The following CAPZB variants were observed in gnomAD, a reference collection of about 807,000 sequenced individuals.
The protein encoded by CAPZB is capping actin protein of muscle Z-line subunit beta.
CAPZB carries 2 observed loss-of-function variants against 38.1 expected under a neutral mutation model. The observed-to-expected ratio is 0.05, with a 90% CI of 0.02 to 0.17. The LOEUF is 0.17. CAPZB is among the 10% of genes least tolerant of loss of function. CAPZB has a pLI of 1.00. For synonymous variants in CAPZB, 107 were observed against 127.4 expected, an observed-to-expected ratio of 0.84 and a Z score of 1.08; for missense variants, 161 against 334.2, an observed-to-expected ratio of 0.48 and a Z score of 4.04.
In CAPZB at chr1:19,348,770, CG is replaced by C. The variant is rs397972163; in HGVS notation, c.589-3519del. On this transcript the variant is annotated intron_variant, in intron 6 of 8. Coordinates refer to ENST00000264202, the MANE Select transcript of CAPZB (RefSeq NM_004930.5). ...GGTGGCATCTGACAAGGGGGGGGGG[CG>C]GTCTAGGTGAGGGCAACAGTCCAGA... Among the ~76,000 whole-genome samples the C allele has an allele frequency of 3.2e-4, 15 of 46,206 alleles. 1 individual carries two copies. The highest frequency in any genetic ancestry group is 1.4e-3 in the East Asian group (4 of 2,860). 30.3% of individuals were successfully genotyped at this position (46,206 alleles called of 152,430 possible). A position where few individuals can be genotyped will look rare whatever the true frequency, so the allele number is the denominator to read the frequency against.
At chr1:19,484,708 T>G (rs955951474) in intron 1 of CAPZB, 10 of 1,085,360 alleles carry the variant, frequency 9.2e-6, no homozygotes, top group Non-Finnish European at 1.1e-5. Context: ...AGGACCCTGA[T>G]GAGAGGCTCA....
At chr1:19,397,061 T>C (rs1023985152) in intron 2 of CAPZB, among the ~76,000 whole-genome samples, 14 of 148,390 alleles carry the variant, frequency 9.4e-5, no homozygotes, top group Non-Finnish European at 1.8e-4. Flanking sequence ...CATATATAAG[T>C]TGATTTTTCT....
chr1:19,454,357 C>T (rs2094526409), intron 1 of CAPZB, among the ~76,000 whole-genome samples: 1 of 152,166 alleles, frequency 6.6e-6, no homozygotes, highest in African/African-American at 2.4e-5. Flanking sequence ...CATCAGGTCC[C>T]CTATGTTACC....
At chr1:19,378,689 C>T (rs1353022376) in intron 3 of CAPZB, 36 bp from the exon 4 acceptor site, 14 of 1,181,620 alleles carry the variant, frequency 1.2e-5, no homozygotes, top group Admixed American at 1.7e-5. Context: ...TACCATGAAT[C>T]GTTCCATGAA....
At position 19,431,515 on chromosome 1, in the gene CAPZB, ATCAAGACCATCC is replaced by A. The variant is rs1461785523; in HGVS notation, c.4-11777_4-11766del. Among the ~76,000 whole-genome samples the A allele has an allele frequency of 2.0e-5, 3 of 152,082 alleles. No homozygotes were observed. In the East Asian group the frequency reaches 5.8e-4, roughly 29 times the overall value. On this transcript the variant is annotated intron_variant, in intron 1 of 8. Transcript: ENST00000264202. ...AAGACCATCTGGCCGAGGTCAGCAG[ATCAAGACCATCC>A]TGGCTAACACGGTGAAACCCCGTCT...
chr1:19,451,611 C>T (rs1006046138), intron 1 of CAPZB, among the ~76,000 whole-genome samples: 14 of 152,084 alleles, frequency 9.2e-5, no homozygotes, highest in African/African-American at 3.4e-4. Context: ...ACCATCCCCA[C>T]CCTGCAGATG....
chr1:19,472,165 T>G (rs2094590874), intron 1 of CAPZB, among the ~76,000 whole-genome samples: 1 of 152,166 alleles, frequency 6.6e-6, no homozygotes, highest in Non-Finnish European at 1.5e-5. Flanking sequence ...AATCAGTGTT[T>G]AAGAAAATGC....
At chr1:19,467,321 A>G (rs1283569274) in intron 1 of CAPZB, among the ~76,000 whole-genome samples, 1 of 152,190 alleles carries the variant, frequency 6.6e-6, no homozygotes. Context: ...GGCTAAAGCA[A>G]GAAGGAATAA....
intron 2 of CAPZB, among the ~76,000 whole-genome samples, chr1:19,388,015 G>A (rs1009737848): frequency 4.6e-5 from 7 of 152,196 alleles, no homozygotes; most frequent in Admixed American, 1.3e-4. Context: ...GGGTACAAAC[G>A]TACCTGTGAG....
intron 4 of CAPZB, among the ~76,000 whole-genome samples, chr1:19,375,085 G>C (rs1437969092): frequency 6.6e-6 from 1 of 152,290 alleles, no homozygotes; most frequent in Middle Eastern, 3.4e-3. Flanking sequence ...GCCTGCTGTG[G>C]TCACTTATGT....
intron 2 of CAPZB, among the ~76,000 whole-genome samples, chr1:19,407,129 C>T (rs1289142346): frequency 6.6e-6 from 1 of 152,210 alleles, no homozygotes; most frequent in East Asian, 1.9e-4. Flanking sequence ...CCCAAATACA[C>T]CAAAACAGGC....
intron 2 of CAPZB, among the ~76,000 whole-genome samples, chr1:19,387,569 C>T (rs1465610091): frequency 6.6e-6 from 1 of 152,172 alleles, no homozygotes; most frequent in Non-Finnish European, 1.5e-5. Context: ...ATCTGTTGGG[C>T]CTCAACTTTT....
At chr1:19,438,632 G>A (rs566483934) in intron 1 of CAPZB, among the ~76,000 whole-genome samples, 67 of 152,274 alleles carry the variant, frequency 4.4e-4, no homozygotes, top group African/African-American at 1.5e-3. Context: ...GACCATCCTC[G>A]CTTAAGCGCG....
intron 3 of CAPZB, among the ~76,000 whole-genome samples, chr1:19,382,706 G>A (rs1262256703): frequency 2.6e-5 from 4 of 152,188 alleles, no homozygotes; most frequent in Non-Finnish European, 5.9e-5. Context: ...GTCTCCCGCA[G>A]AGCCTGGCCT....
chr1:19,378,769 A>G (rs1030117395), intron 3 of CAPZB, 116 bp from the exon 4 acceptor site: 2 of 625,412 alleles, frequency 3.2e-6, no homozygotes, highest in South Asian at 1.9e-5. Flanking sequence ...CGCTAACTCC[A>G]GCAAAGATTT....
chr1:19,392,639 A>AT (rs2094243133), intron 2 of CAPZB, among the ~76,000 whole-genome samples: 1 of 151,798 alleles, frequency 6.6e-6, no homozygotes, highest in Non-Finnish European at 1.5e-5. Context: ...AATAATAATA[A>AT]AAATAGCCAG....
At chr1:19,345,669 G>A (rs1327509312) in intron 6 of CAPZB, among the ~76,000 whole-genome samples, 1 of 152,264 alleles carries the variant, frequency 6.6e-6, no homozygotes, top group East Asian at 1.9e-4. Flanking sequence ...CACTGCAGGG[G>A]AAGCTTCTGT....
chr1:19,378,447 G>T, intron 4 of CAPZB, 93 bp downstream of exon 4: 1 of 761,738 alleles, frequency 1.3e-6, no homozygotes, highest in Non-Finnish European at 2.4e-6. Context: ...AGAATGCTTG[G>T]CCAGGTAACA....
intron 1 of CAPZB, among the ~76,000 whole-genome samples, chr1:19,434,810 T>C (rs577044784): frequency 4.6e-5 from 7 of 151,898 alleles, no homozygotes; most frequent in African/African-American, 1.7e-4. Context: ...TCCCAGCTAT[T>C]TGGGAGGCTG....
Sources: gnomAD v4.1 joint callset for allele counts (sites outside exome capture counted in the v4.1 genomes callset) on GRCh38, gnomAD v4.1.1 for gene constraint, MANE v1.5 for transcripts, NCBI Gene and HGNC (gene_info 2026-07-23, HGNC 2026-07-21) for gene names.